The following NRP1 variants were observed in gnomAD, a reference collection of about 807,000 sequenced individuals.
The protein encoded by NRP1 is neuropilin-1.
NRP1 carries 35 observed loss-of-function variants against 106.7 expected under a neutral mutation model. The ratio of observed to expected loss-of-function variants is 0.33; its 90% confidence interval spans 0.25 to 0.43. The LOEUF is 0.43. Among genes scored for constraint, NRP1 ranks in the 20% least tolerant of loss-of-function variants. The pLI, the probability that NRP1 is intolerant of heterozygous loss-of-function variation, is 1.00. For synonymous variants in NRP1, 437 were observed against 417.9 expected, an observed-to-expected ratio of 1.05 and a Z score of -0.56; for missense variants, 1,024 against 1,170.4, an observed-to-expected ratio of 0.87 and a Z score of 1.83.
chr10:33,320,193 G>A (rs1847393313), intron 2 of NRP1, among the ~76,000 whole-genome samples: 2 of 151,868 alleles, frequency 1.3e-5, no homozygotes, highest in Non-Finnish European at 2.9e-5. Flanking sequence ...TGTGCCTGTA[G>A]TCCCAGCTAC....
chr10:33,324,826 C>T (rs77899922), intron 2 of NRP1, among the ~76,000 whole-genome samples: 5 of 152,132 alleles, frequency 3.3e-5, no homozygotes, highest in South Asian at 4.1e-4. Flanking sequence ...TTAGTAGAGA[C>T]GGGGTTTCAC....
intron 2 of NRP1, among the ~76,000 whole-genome samples, chr10:33,274,579 C>T (rs1843548413): frequency 6.6e-6 from 1 of 152,094 alleles, no homozygotes; most frequent in Non-Finnish European, 1.5e-5. Flanking sequence ...AGTGACTTTG[C>T]CTAAGTCAGG....
chr10:33,295,340 G>T (rs2132659408), intron 2 of NRP1, among the ~76,000 whole-genome samples: 1 of 152,308 alleles, frequency 6.6e-6, no homozygotes, highest in Middle Eastern at 3.4e-3. Flanking sequence ...CAAGTCTGTG[G>T]ACAATTGATA....
intron 3 of NRP1, 28 bp downstream of exon 3, chr10:33,270,647 C>G (rs1843242241): frequency 6.4e-7 from 1 of 1,565,854 alleles, no homozygotes; most frequent in Non-Finnish European, 8.7e-7. Flanking sequence ...CTTAGTCATT[C>G]TTGTTCTACC....
rs1837167918 is a variant in NRP1 at position 33,200,160 on chromosome 10, A to G, written c.1865-2451T>C. On this transcript the variant is annotated intron_variant, in intron 11 of 16. Coordinates refer to ENST00000374867, the MANE Select transcript of NRP1 (RefSeq NM_003873.7). ...GTTCTGTTCCCAGTGGTCTTATAGG[A>G]GAAAGATTCAAGGTGAAAATTCGCT... 3.3e-5 allele frequency among the ~76,000 whole-genome samples: 5 copies of G among 152,294 alleles called. No individual in the cohort carries two copies. In the South Asian group the frequency reaches 1.0e-3, roughly 32 times the overall value.
intron 10 of NRP1, among the ~76,000 whole-genome samples, chr10:33,207,056 T>TA (rs1426055641): frequency 1.8e-4 from 27 of 152,218 alleles, no homozygotes; most frequent in African/African-American, 6.5e-4. Flanking sequence ...TATGTGCTGA[T>TA]AATCGACACT....
At chr10:33,300,812 G>A (rs773318188) in intron 2 of NRP1, among the ~76,000 whole-genome samples, 2 of 152,084 alleles carry the variant, frequency 1.3e-5, no homozygotes, top group Non-Finnish European at 2.9e-5. Context: ...GAGTTCTCCT[G>A]CCCTTTCCAG....
chr10:33,268,356 GT>G (rs1843067246), intron 3 of NRP1, among the ~76,000 whole-genome samples: 1 of 152,134 alleles, frequency 6.6e-6, no homozygotes, highest in African/African-American at 2.4e-5. Context: ...GGCCTATTTG[GT>G]TAATGGCAGT....
At chr10:33,254,268 T>A in intron 5 of NRP1, 74 bp from the exon 6 acceptor site, 1 of 1,315,898 alleles carries the variant, frequency 7.6e-7, no homozygotes. Context: ...TTTAACTTGA[T>A]ACACCAAAGA....
intron 15 of NRP1, among the ~76,000 whole-genome samples, chr10:33,185,112 T>C (rs532483686): frequency 5.9e-5 from 9 of 152,344 alleles, no homozygotes; most frequent in Admixed American, 2.0e-4. Context: ...CTGAATCTCA[T>C]TGAAGTCCTT....
intron 2 of NRP1, among the ~76,000 whole-genome samples, chr10:33,294,848 C>T (rs898938881): frequency 1.3e-5 from 2 of 151,910 alleles, no homozygotes; most frequent in African/African-American, 4.8e-5. Flanking sequence ...TCTCTAAGGC[C>T]CTTTTGATTA....
intron 6 of NRP1, chr10:33,249,317 A>T (rs1425903122): frequency 2.9e-5 from 11 of 372,934 alleles, no homozygotes; most frequent in Non-Finnish European, 5.7e-5. Flanking sequence ...TAGAAGATGC[A>T]GTACACTGTG....
rs1407144883 is a variant in NRP1, at chr10:33,178,240, G to C, written c.*1836C>G. ...TTGAGTGAGACGTCTAGCAATGTGG[G>C]AAGGAAGATCTAAAAAATCTCATGT... On this transcript the variant is annotated 3_prime_UTR_variant, in exon 17 of 17. Coordinates refer to ENST00000374867, the MANE Select transcript of NRP1 (RefSeq NM_003873.7). 2.0e-5 allele frequency: 3 copies of C among 152,226 alleles called. No individual in the cohort carries two copies. Among genetic ancestry groups the C allele is most frequent in the Non-Finnish European group, 4.4e-5 (3 of 68,032 alleles). The allele number at this position is 152,226 out of a possible 1,614,324, so 9.4% of individuals were successfully genotyped here. A position where few individuals can be genotyped will look rare whatever the true frequency, so the allele number is the denominator to read the frequency against.
intron 6 of NRP1, among the ~76,000 whole-genome samples, chr10:33,242,752 G>T (rs1332955520): frequency 6.6e-6 from 1 of 152,042 alleles, no homozygotes; most frequent in East Asian, 1.9e-4. Flanking sequence ...GGTCTACCTG[G>T]GTCTTGGTCT....
intron 6 of NRP1, among the ~76,000 whole-genome samples, chr10:33,248,824 T>C (rs980090022): frequency 2.0e-5 from 3 of 152,198 alleles, no homozygotes; most frequent in Non-Finnish European, 4.4e-5. Flanking sequence ...AGAGGGCTGA[T>C]TTACCAACCC....
Position 33,270,813 on chromosome 10 carries a change from G to A in NRP1, c.292C>T (p.His98Tyr). The change falls in exon 3 of 17, where the codon CAT becomes TAT. Residue 98 changes from histidine to tyrosine, a missense_variant. Coordinates refer to ENST00000374867, the MANE Select transcript of NRP1 (RefSeq NM_003873.7). ...EVFDGENENGHFRGKFCGKIA... is the reference protein window; with the variant it reads ...EVFDGENENGYFRGKFCGKIA... ...TTTCCACAGAACTTTCCCCTAAAAT[G>A]TCCATTTTCATTTTCTCCATCGAAG... 1 of 1,613,274 alleles carries A rather than the reference G, an allele frequency of 6.2e-7. No homozygotes were observed. The highest frequency in any genetic ancestry group is 1.1e-5 in the South Asian group (1 of 90,856).
At chr10:33,300,950 T>C (rs1845757853) in intron 2 of NRP1, among the ~76,000 whole-genome samples, 1 of 152,168 alleles carries the variant, frequency 6.6e-6, no homozygotes, top group African/African-American at 2.4e-5. Flanking sequence ...GCATGCATCC[T>C]CAACATTGGC....
rs1394130158 is a variant in NRP1, at chr10:33,180,113, T to G, written c.2735A>C (p.Asp912Ala). ...ELVDGVKLKKDKLNTQSTYSE... is the reference protein window; with the variant it reads ...ELVDGVKLKKAKLNTQSTYSE... ...ATAAGTACTCTGTGTATTCAGTTTG[T>G]CTTTTTTCAACTTCACACCATCCAC... The change falls in exon 17 of 17, where the codon GAC (aspartate) becomes GCC (alanine). Residue 912 changes from aspartate to alanine, a missense_variant. This residue lies in a region of NRP1 where 164 missense variants were observed against 161.4 expected (regional missense o/e 1.02). Coordinates refer to ENST00000374867, the MANE Select transcript of NRP1 (RefSeq NM_003873.7). 4 of 1,614,092 alleles carry G rather than the reference T, an allele frequency of 2.5e-6. No individual in the cohort carries two copies. The highest frequency in any genetic ancestry group is 3.4e-6 in the Non-Finnish European group (4 of 1,180,048).
chr10:33,221,780 C>T lies in NRP1; in HGVS notation c.1221G>A (p.Lys407=), dbSNP rs780603363. 6.2e-7 allele frequency: 1 copy of T among 1,614,126 alleles called. No homozygotes were observed. Among genetic ancestry groups the T allele is most frequent in the South Asian group, 1.1e-5 (1 of 91,082 alleles). The change falls in exon 8 of 17, where the codon AAG becomes AAA. Residue 407 remains lysine, a synonymous_variant. Transcript: ENST00000374867. The stretch of plus-strand genomic sequence containing the variant: ...ATATGCCAGTTTCCCAAGTTGCAGG[C>T]TTGATTCGGACAAATCGAGTTATCA... ...KPLITRFVRI[K]PATWETGISM...
Sources: gnomAD v4.1 joint callset for allele counts (sites outside exome capture counted in the v4.1 genomes callset) on GRCh38, gnomAD v4.1.1 for gene constraint, gnomAD v4.1.1 regional missense constraint, MANE v1.5 for transcripts, NCBI Gene and HGNC (gene_info 2026-07-23, HGNC 2026-07-21) for gene names.